The following CLMP variants were observed in gnomAD, a reference collection of about 807,000 sequenced individuals.
CLMP encodes CXADR-like membrane protein.
A neutral mutation model predicts 45.2 loss-of-function variants in CLMP; 27 were observed. The ratio of observed to expected loss-of-function variants is 0.60; its 90% CI spans 0.44 to 0.82. The LOEUF (loss-of-function observed/expected upper bound fraction) is 0.82, where lower values mean the gene tolerates loss of function less well. Among genes scored for constraint, CLMP ranks in the 40% least tolerant of loss-of-function variants. The pLI, the probability that CLMP is intolerant of heterozygous loss-of-function variation, is 0.00. For synonymous variants in CLMP, 167 were observed against 171.4 expected (o/e 0.97, Z 0.20); for missense variants, 403 against 448.4 (o/e 0.90, Z 0.91).
intron 1 of CLMP, among the ~76,000 whole-genome samples, chr11:123,151,851 G>T (rs542359779): frequency 6.6e-6 from 1 of 152,108 alleles, no homozygotes; most frequent in Non-Finnish European, 1.5e-5. Context: ...TGTTGGTAGG[G>T]CTGGTTTCCT....
At chr11:123,076,784 A>G (rs2135462519) in intron 5 of CLMP, among the ~76,000 whole-genome samples, 1 of 152,238 alleles carries the variant, frequency 6.6e-6, no homozygotes, top group South Asian at 2.1e-4. Flanking sequence ...TCTGAATTAT[A>G]TCTGAGACAG....
At chr11:123,142,906 G>T (rs544701557) in intron 1 of CLMP, among the ~76,000 whole-genome samples, 1 of 152,114 alleles carries the variant, frequency 6.6e-6, no homozygotes. Flanking sequence ...GACTACAGGC[G>T]TGAGCCACCG....
intron 1 of CLMP, among the ~76,000 whole-genome samples, chr11:123,150,538 A>AG (rs1197943397): frequency 5.2e-5 from 7 of 134,202 alleles, no homozygotes; most frequent in African/African-American, 1.8e-4. Context: ...GAAAGAAACA[A>AG]GCAAGGAAGG....
chr11:123,165,581 A>T (rs1343257455), intron 1 of CLMP, among the ~76,000 whole-genome samples: 4 of 152,142 alleles, frequency 2.6e-5, no homozygotes, highest in Non-Finnish European at 4.4e-5. Flanking sequence ...GTCCATGGTG[A>T]CCATCTTAAA....
chr11:123,079,310 A>G (rs1865774968), intron 5 of CLMP, among the ~76,000 whole-genome samples: 1 of 152,210 alleles, frequency 6.6e-6, no homozygotes, highest in African/African-American at 2.4e-5. Flanking sequence ...TTTTATATTT[A>G]CTAAACTGAT....
At chr11:123,170,660 C>G (rs534213251) in intron 1 of CLMP, among the ~76,000 whole-genome samples, 1 of 152,058 alleles carries the variant, frequency 6.6e-6, no homozygotes, top group African/African-American at 2.4e-5. Flanking sequence ...AAGCTGGTCT[C>G]GAACTACTGA....
At chr11:123,119,052 C>CCTCT (rs759949891) in intron 1 of CLMP, among the ~76,000 whole-genome samples, 4 of 19,458 alleles carry the variant, frequency 2.1e-4, no homozygotes, top group African/African-American at 7.4e-4. Flanking sequence ...TCTCCCTCTC[C>CCTCT]CTCTCTCTCT....
intron 2 of CLMP, among the ~76,000 whole-genome samples, chr11:123,093,848 A>G (rs911489760): frequency 6.6e-6 from 1 of 152,050 alleles, no homozygotes; most frequent in Non-Finnish European, 1.5e-5. Flanking sequence ...ATTTGTTAGG[A>G]CTTATATAGA....
At chr11:123,125,099 T>C (rs1439153439) in intron 1 of CLMP, among the ~76,000 whole-genome samples, 1 of 152,144 alleles carries the variant, frequency 6.6e-6, no homozygotes, top group African/African-American at 2.4e-5. Flanking sequence ...GGTTTCACCA[T>C]GTTGCCTAGA....
intron 1 of CLMP, among the ~76,000 whole-genome samples, chr11:123,149,901 C>T (rs1254231291): frequency 6.6e-6 from 1 of 151,646 alleles, no homozygotes; most frequent in Non-Finnish European, 1.5e-5. Flanking sequence ...AACCTCCGCT[C>T]CCGGGTTTAA....
rs1865826889 is a variant in CLMP, at chr11:123,083,338, C to T, written c.557-131G>A. The T allele has an allele frequency of 3.1e-6, 3 of 958,696 alleles. No homozygotes were observed. In the African/African-American group the frequency reaches 5.0e-5, roughly 16 times the overall value. 59.4% of individuals were successfully genotyped at this position (958,696 alleles called of 1,614,324 possible). On this transcript the variant is annotated intron_variant, in intron 4 of 6. Coordinates refer to ENST00000448775, the MANE Select transcript of CLMP (RefSeq NM_024769.5). ...AAGAATGAAATGATGGAAAAGATAT[C>T]CTTTGGGAACATGAGAAGAAAGGTA...
intron 1 of CLMP, among the ~76,000 whole-genome samples, chr11:123,120,094 C>A (rs1167754645): frequency 1.3e-5 from 2 of 152,084 alleles, no homozygotes; most frequent in Non-Finnish European, 2.9e-5. Context: ...TCTAAAGACT[C>A]ATTTAAATGT....
chr11:123,106,561 G>A (rs1032899581), intron 1 of CLMP, among the ~76,000 whole-genome samples: 1 of 152,110 alleles, frequency 6.6e-6, no homozygotes, highest in South Asian at 2.1e-4. Context: ...GTGGCTGTAA[G>A]ACCAATTAAT....
chr11:123,097,662 G>T (rs1346613812), intron 2 of CLMP, 133 bp downstream of exon 2: 3 of 665,354 alleles, frequency 4.5e-6, no homozygotes, highest in Admixed American at 3.1e-5. Flanking sequence ...TGTATCTAAA[G>T]TCTTTCAAGT....
At chr11:123,194,678 C>T (rs962690706) in intron 1 of CLMP, among the ~76,000 whole-genome samples, 2 of 152,252 alleles carry the variant, frequency 1.3e-5, no homozygotes, top group African/African-American at 2.4e-5. Flanking sequence ...GGACCCTGCA[C>T]ATCAAACGGT....
chr11:123,135,905 A>T (rs935019103), intron 1 of CLMP: 16 of 531,362 alleles, frequency 3.0e-5, no homozygotes, highest in Admixed American at 2.4e-4. Context: ...CCACTATGGG[A>T]GAACATTCAC....
In CLMP at chr11:123,074,949, T is replaced by A. The variant is rs987901657; in HGVS notation, c.680-106A>T. Reference sequence around the variant, plus strand: ...TGGACAGAATGAGTATTTGCAGGTTTGTTTGTTTTGTTTTTTTTTTTTTGA... The same window carrying A: ...TGGACAGAATGAGTATTTGCAGGTTAGTTTGTTTTGTTTTTTTTTTTTTGA... On this transcript the variant is annotated intron_variant, in intron 5 of 6. Coordinates refer to ENST00000448775, the MANE Select transcript of CLMP (RefSeq NM_024769.5). 2.3e-6 allele frequency: 3 copies of A among 1,323,522 alleles called. No homozygotes were observed. In the African/African-American group the frequency reaches 4.6e-5, roughly 20 times the overall value. The allele number at this position is 1,323,522 out of a possible 1,614,324, so 82.0% of individuals were successfully genotyped here. A position where few individuals can be genotyped will look rare whatever the true frequency, so the allele number is the denominator to read the frequency against.
chr11:123,139,549 G>C (rs1485402211), intron 1 of CLMP, among the ~76,000 whole-genome samples: 2 of 152,104 alleles, frequency 1.3e-5, no homozygotes, highest in Non-Finnish European at 2.9e-5. Context: ...TAGAAGGGTC[G>C]GGCGCTGTGG....
rs773714811 is a variant in CLMP at position 123,097,801 on chromosome 11, T to C, written c.180A>G (p.Gln60=). Residue 60 remains glutamine, a synonymous_variant, in exon 2 of 7, where the codon CAA becomes CAG. Coordinates refer to ENST00000448775, the MANE Select transcript of CLMP (RefSeq NM_024769.5). ...EWLLTDNEGN[Q]KVVITYSSRH... ...CAGCCAGGTGTCTACTTACCACTTTTTGGTTCCCTTCATTATCGGTGAGCA... is the reference window on the plus strand; with the variant it reads ...CAGCCAGGTGTCTACTTACCACTTTCTGGTTCCCTTCATTATCGGTGAGCA... The C allele has an allele frequency of 6.3e-7, 1 of 1,590,740 alleles. No individual in the cohort carries two copies. The highest frequency in any genetic ancestry group is 2.3e-5 in the East Asian group (1 of 43,548).
Sources: allele counts gnomAD v4.1 joint callset (sites outside exome capture counted in the v4.1 genomes callset), GRCh38; gene constraint gnomAD v4.1.1; transcripts MANE v1.5; gene names NCBI Gene and HGNC (gene_info 2026-07-23, HGNC 2026-07-21).